The following DNAH7 variants were observed in gnomAD, a reference collection of about 807,000 sequenced individuals.
The protein encoded by DNAH7 is axonemal beta dynein heavy chain 7.
A neutral mutation model predicts 444.6 loss-of-function variants in DNAH7; 397 were observed. The ratio of observed to expected loss-of-function variants is 0.89; its 90% CI spans 0.82 to 0.97. The LOEUF is 0.97. Among genes scored for constraint, DNAH7 ranks in the 50% least tolerant of loss-of-function variants. DNAH7 has a pLI of 0.00. For synonymous variants in DNAH7, 1,636 were observed against 1,624.4 expected (o/e 1.01, Z -0.17); for missense variants, 4,902 against 4,800.8 (o/e 1.02, Z -0.62).
Position 195,855,865 on chromosome 2 carries a change from C to G in DNAH7, c.8541G>C (p.Arg2847Ser), listed in dbSNP as rs749776504. The stretch of plus-strand genomic sequence containing the variant: ...TATTTAATTCAAGTGTGTCTTGAAG[C>G]CTGGCCAGCTTGTCCTGAACTTCCT... The part of the protein sequence containing the change: ...ALKEVQDKLA[R>S]LQDTLELNKQ... Residue 2847 changes from arginine to serine, a missense_variant, in exon 45 of 65, where the codon AGG (arginine) becomes AGC (serine). Transcript: ENST00000312428. 1.2e-6 allele frequency: 2 copies of G among 1,614,046 alleles called. No individual in the cohort carries two copies. The highest frequency in any genetic ancestry group is 1.3e-5 in the African/African-American group (1 of 75,028).
intron 17 of DNAH7, among the ~76,000 whole-genome samples, chr2:195,965,304 C>A (rs553946531): frequency 6.6e-5 from 10 of 152,242 alleles, no homozygotes; most frequent in Non-Finnish European, 1.3e-4. Flanking sequence ...ATCCTTACAT[C>A]CCAGGATAAA....
chr2:196,011,999 A>G (rs944889239), intron 10 of DNAH7, among the ~76,000 whole-genome samples: 5 of 152,204 alleles, frequency 3.3e-5, no homozygotes, highest in Admixed American at 3.3e-4. Flanking sequence ...ATAAAAGGCT[A>G]AAGTTTTTTC....
chr2:195,879,800 T>C (rs1056954690), intron 36 of DNAH7, among the ~76,000 whole-genome samples: 1 of 152,188 alleles, frequency 6.6e-6, no homozygotes, highest in African/African-American at 2.4e-5. Context: ...AATCTTTAAA[T>C]GAGAAATAGC....
chr2:196,036,180 C>T lies in DNAH7; in HGVS notation c.399-8133G>A, dbSNP rs1011317818. ...CCAAGTAGCTGGAACTACAGGTGCC[C>T]GCCACCATGCCCAGCTAATTTTTTT... is the stretch of plus-strand genomic sequence containing the variant. On this transcript the variant is annotated intron_variant, in intron 5 of 64. Coordinates refer to ENST00000312428, the MANE Select transcript of DNAH7 (RefSeq NM_018897.3). Among the ~76,000 whole-genome samples the T allele has an allele frequency of 2.2e-4, 33 of 152,118 alleles. No individual in the cohort carries two copies. In the South Asian group the frequency reaches 3.1e-3, roughly 14 times the overall value.
At chr2:195,978,377 C>T (rs976555798) in intron 15 of DNAH7, among the ~76,000 whole-genome samples, 2 of 150,884 alleles carry the variant, frequency 1.3e-5, no homozygotes, top group Admixed American at 6.6e-5. Flanking sequence ...TTTATGGTAA[C>T]CTCAAATCAA....
intron 2 of DNAH7, 73 bp downstream of exon 2, chr2:196,057,981 C>A: frequency 8.4e-7 from 1 of 1,191,016 alleles, no homozygotes; most frequent in East Asian, 2.7e-5. Context: ...CAGTAACTTA[C>A]TTTCAAGCTT....
chr2:195,804,796 G>C (rs1186944657), intron 54 of DNAH7, among the ~76,000 whole-genome samples: 1 of 152,256 alleles, frequency 6.6e-6, no homozygotes, highest in African/African-American at 2.4e-5. Context: ...GTGCACAGGA[G>C]AGAAGAACCA....
At chr2:195,762,637 G>C (rs1216373077) in intron 61 of DNAH7, among the ~76,000 whole-genome samples, 1 of 151,976 alleles carries the variant, frequency 6.6e-6, no homozygotes, top group Non-Finnish European at 1.5e-5. Flanking sequence ...GACCAAGAAG[G>C]CCATTATATA....
chr2:195,990,341 C>T (rs1239600444), intron 12 of DNAH7, among the ~76,000 whole-genome samples: 1 of 152,086 alleles, frequency 6.6e-6, no homozygotes, highest in Admixed American at 6.6e-5. Flanking sequence ...ATCCCTTTCC[C>T]AATGTATGCT....
rs573986824 is a variant in DNAH7, at chr2:196,000,984, C to T, written c.1174-101G>A. On this transcript the variant is annotated intron_variant, in intron 11 of 64. Transcript: ENST00000312428. ...TAGAATACATGGGAACCCACACTTTCTCTTATGACCCAGACAGCTAAGCCA... is the reference window on the plus strand; with the variant it reads ...TAGAATACATGGGAACCCACACTTTTTCTTATGACCCAGACAGCTAAGCCA... The T allele has an allele frequency of 3.3e-6, 3 of 915,092 alleles. No individual in the cohort carries two copies. In the South Asian group the frequency reaches 8.3e-5, roughly 25 times the overall value. The allele number at this position is 915,092 out of a possible 1,614,324, so 56.7% of individuals were successfully genotyped here.
chr2:195,749,432 C>T (rs1371542435), intron 63 of DNAH7, among the ~76,000 whole-genome samples: 1 of 152,130 alleles, frequency 6.6e-6, no homozygotes, highest in Non-Finnish European at 1.5e-5. Context: ...GGCGATTCCT[C>T]AGGGTTCTAG....
At chr2:195,915,679 G>A (rs1687632884) in intron 24 of DNAH7, among the ~76,000 whole-genome samples, 1 of 152,092 alleles carries the variant, frequency 6.6e-6, no homozygotes, top group African/African-American at 2.4e-5. Flanking sequence ...TGACATAAAT[G>A]GGACCCTGTT....
chr2:195,894,843 CTTTAT>C, intron 30 of DNAH7, 128 bp downstream of exon 30: 1 of 942,846 alleles, frequency 1.1e-6, no homozygotes, highest in Non-Finnish European at 1.5e-6. Context: ...TTTTCTAAAA[CTTTAT>C]TTTCTCTTTG....
rs199829090 is a variant in DNAH7 at position 196,019,178 on chromosome 2, A to C, written c.861T>G (p.Thr287=). ...AGGCCACATATACTCACTTAAAATT[A>C]GTGTGCCACAAATCTAGTACAGCCA... ...TMLAVLDLWH[T]NFKKLRLVDI... is the part of the protein sequence containing the mutation. The change falls in exon 9 of 65, where the codon ACT becomes ACG. Residue 287 remains threonine (T), a synonymous_variant. Transcript: ENST00000312428. The C allele has an allele frequency of 5.3e-5, 78 of 1,482,362 alleles. No individual in the cohort carries two copies. The African/African-American group carries it at 7.9e-4, about 15-fold the overall frequency. 91.8% of individuals were successfully genotyped at this position (1,482,362 alleles called of 1,614,324 possible).
In DNAH7 at chr2:195,921,918, G is replaced by T. The variant is rs150649438; in HGVS notation, c.3935+170C>A. On this transcript the variant is annotated intron_variant, in intron 24 of 64. Transcript: ENST00000312428. Reference sequence around the variant, plus strand: ...CCCTAGTATTGAGAGGAGGAAGCCAGCAGAGAAAGAGAAAACGAAGACAAA... The same window carrying T: ...CCCTAGTATTGAGAGGAGGAAGCCATCAGAGAAAGAGAAAACGAAGACAAA... Among the ~76,000 whole-genome samples the T allele has an allele frequency of 9.4e-4, 143 of 152,250 alleles. 4 individuals carry two copies. The East Asian group carries it at 0.026, about 28-fold the overall frequency.
chr2:195,933,904 A>C (rs184586846), intron 21 of DNAH7, among the ~76,000 whole-genome samples: 1,647 of 152,208 alleles, frequency 0.011, 19 homozygotes, highest in Non-Finnish European at 0.017. Context: ...TATAGTAACA[A>C]ATAAAAAATA....
intron 54 of DNAH7, among the ~76,000 whole-genome samples, chr2:195,804,747 C>T (rs1002401567): frequency 2.0e-5 from 3 of 152,248 alleles, no homozygotes; most frequent in African/African-American, 7.2e-5. Context: ...TCTTATTGGT[C>T]AAAGTAAGAT....
chr2:195,794,599 A>C, intron 56 of DNAH7, 61 bp from the exon 57 acceptor site: 1 of 1,504,754 alleles, frequency 6.6e-7, no homozygotes, highest in South Asian at 1.1e-5. Context: ...TCTCAAAAGC[A>C]TACATATGAA....
Position 195,764,197 on chromosome 2 carries a change from TA to T in DNAH7, c.11433+7462del, listed in dbSNP as rs912471002. Among the ~76,000 whole-genome samples, 85 of 148,302 alleles carry T rather than the reference TA, an allele frequency of 5.7e-4. 1 individual carries two copies. The highest frequency in any genetic ancestry group is 5.5e-3 in the East Asian group (28 of 5,106). On this transcript the variant is annotated intron_variant, in intron 61 of 64. Transcript: ENST00000312428. The stretch of plus-strand genomic sequence containing the variant: ...ATAAAATTCAACATCCCTTAATGAT[TA>T]AAAAAAAAACTTTAAAAACTGGGTA...
Sources: allele counts gnomAD v4.1 joint callset (sites outside exome capture counted in the v4.1 genomes callset), GRCh38; gene constraint gnomAD v4.1.1; transcripts MANE v1.5; gene names NCBI Gene and HGNC (gene_info 2026-07-23, HGNC 2026-07-21).